Variants in CRY1 observed in about 807,000 individuals in gnomAD.
The protein encoded by CRY1 is cryptochrome circadian regulator 1, also known as cryptochrome-1.
CRY1 carries 45 observed loss-of-function variants against 76.0 expected under a neutral mutation model. The ratio of observed to expected loss-of-function variants is 0.59; its 90% confidence interval spans 0.47 to 0.76. The LOEUF (loss-of-function observed/expected upper bound fraction) is 0.76. Among genes scored for constraint, CRY1 ranks in the 30% least tolerant of loss-of-function variants. The pLI, the probability that CRY1 is intolerant of heterozygous loss-of-function variation, is 0.00. For missense variants in CRY1, 587 were observed against 716.4 expected, an observed-to-expected ratio of 0.82 and a Z score of 2.06; for synonymous variants, 248 against 244.0, an observed-to-expected ratio of 1.02 and a Z score of -0.15.
intron 1 of CRY1, among the ~76,000 whole-genome samples, chr12:107,075,624 A>C (rs1953243246): frequency 6.6e-6 from 1 of 152,202 alleles, no homozygotes; most frequent in Admixed American, 6.5e-5. Context: ...CATTCAATAC[A>C]CAAGGACATA....
chr12:107,041,147 G>A (rs374584640), intron 1 of CRY1, among the ~76,000 whole-genome samples: 6 of 152,028 alleles, frequency 3.9e-5, no homozygotes, highest in South Asian at 4.2e-4. Flanking sequence ...ATGTAGAACC[G>A]CCTATTGAGG....
intron 1 of CRY1, among the ~76,000 whole-genome samples, chr12:107,026,607 A>C (rs1285897754): frequency 6.6e-6 from 1 of 152,084 alleles, no homozygotes. Context: ...GCCTTGTATA[A>C]TTTGTTGAAA....
At chr12:107,055,261 G>C (rs1290302062) in intron 1 of CRY1, among the ~76,000 whole-genome samples, 1 of 151,850 alleles carries the variant, frequency 6.6e-6, no homozygotes, top group Non-Finnish European at 1.5e-5. Context: ...TGCATGTTTG[G>C]AATATAATAA....
intron 1 of CRY1, among the ~76,000 whole-genome samples, chr12:107,032,223 C>CA (rs1330024919): frequency 6.6e-6 from 1 of 152,148 alleles, no homozygotes; most frequent in Non-Finnish European, 1.5e-5. Context: ...CATGAGCCAC[C>CA]ACGCCCGGCC....
chr12:107,014,106 T>C (rs1952472984), intron 2 of CRY1, among the ~76,000 whole-genome samples: 1 of 151,844 alleles, frequency 6.6e-6, no homozygotes, highest in African/African-American at 2.4e-5. Flanking sequence ...GCTCATTGGA[T>C]GGAGCGTGCT....
At chr12:106,999,890 T>G (rs769639156) in intron 6 of CRY1, 28 bp from the exon 7 acceptor site, 1 of 1,590,446 alleles carries the variant, frequency 6.3e-7, no homozygotes, top group African/African-American at 1.4e-5. Flanking sequence ...AGAAGTATTA[T>G]CAGAATTTTT....
intron 1 of CRY1, among the ~76,000 whole-genome samples, chr12:107,062,028 AAAAAAAAAAAAAAAAAGAAAAAAAG>A (rs1953053929): frequency 6.8e-6 from 1 of 147,504 alleles, no homozygotes; most frequent in South Asian, 2.1e-4. Context: ...CCTGTCTCAA[AAAAAAAAAAAAAAAAAGAAAAAAAG>A]AAAAAAAAAA....
chr12:107,002,333 A>G (rs1347915206), intron 3 of CRY1, among the ~76,000 whole-genome samples: 1 of 152,202 alleles, frequency 6.6e-6, no homozygotes, highest in East Asian at 1.9e-4. Context: ...AAGAATCTCA[A>G]TCATCAATAA....
intron 10 of CRY1, among the ~76,000 whole-genome samples, chr12:106,996,739 T>C (rs1299401423): frequency 5.3e-5 from 8 of 152,110 alleles, no homozygotes; most frequent in Admixed American, 3.3e-4. Context: ...AAAACTAATA[T>C]GATGGTTCAA....
intron 1 of CRY1, among the ~76,000 whole-genome samples, chr12:107,078,158 G>C (rs896474102): frequency 6.6e-6 from 1 of 152,052 alleles, no homozygotes; most frequent in Non-Finnish European, 1.5e-5. Context: ...CATTTGTACT[G>C]CTTTCAGTTT....
At chr12:107,054,548 AGACT>A in intron 1 of CRY1, among the ~76,000 whole-genome samples, 1 of 151,758 alleles carries the variant, frequency 6.6e-6, no homozygotes, top group African/African-American at 2.4e-5. Flanking sequence ...AAATGTAAAC[AGACT>A]AACGAAAGGC....
At chr12:106,996,582 C>T (rs757036424) in intron 10 of CRY1, among the ~76,000 whole-genome samples, 4 of 152,170 alleles carry the variant, frequency 2.6e-5, no homozygotes, top group Non-Finnish European at 5.9e-5. Context: ...ATTTACAATC[C>T]CATCAACAAT....
intron 1 of CRY1, among the ~76,000 whole-genome samples, chr12:107,066,463 G>GA (rs1555201924): frequency 3.4e-5 from 5 of 146,886 alleles, no homozygotes; most frequent in Non-Finnish European, 7.6e-5. Flanking sequence ...TTTGTTTTTT[G>GA]TTTTTTTTTT....
intron 2 of CRY1, among the ~76,000 whole-genome samples, chr12:107,012,005 C>T (rs549128380): frequency 1.1e-4 from 17 of 152,110 alleles, no homozygotes; most frequent in Non-Finnish European, 2.1e-4. Flanking sequence ...GTCTGGCCAA[C>T]ATGGTGAAAC....
chr12:107,049,378 T>C (rs554217046), intron 1 of CRY1, among the ~76,000 whole-genome samples: 1 of 152,280 alleles, frequency 6.6e-6, no homozygotes, highest in Admixed American at 6.5e-5. Context: ...TTACTATCTT[T>C]TTTTTGTTTG....
Position 107,093,038 on chromosome 12 carries a change from C to T in CRY1, c.-77G>A, listed in dbSNP as rs1490236772. On this transcript the variant is annotated 5_prime_UTR_variant, in exon 1 of 13. Transcript: ENST00000008527. ...GGCTCATAGCCGACACCTTCGCTTC[C>T]AAGAGAATTGCCTCACCCGGGGCGT... 2.1e-6 allele frequency: 3 copies of T among 1,424,158 alleles called. No homozygotes were observed. Among genetic ancestry groups the T allele is most frequent in the East Asian group, 2.5e-5 (1 of 39,390 alleles). The allele number at this position is 1,424,158 out of a possible 1,614,324, so 88.2% of individuals were successfully genotyped here.
chr12:107,071,994 G>T (rs1211733568), intron 1 of CRY1, among the ~76,000 whole-genome samples: 1 of 152,118 alleles, frequency 6.6e-6, no homozygotes, highest in Non-Finnish European at 1.5e-5. Context: ...CTCAAACTAG[G>T]TCATACAAAC....
At chr12:107,034,905 C>T (rs1952716974) in intron 1 of CRY1, among the ~76,000 whole-genome samples, 2 of 152,160 alleles carry the variant, frequency 1.3e-5, no homozygotes, top group Admixed American at 1.3e-4. Flanking sequence ...ACTTATGCCT[C>T]TCTGATCTCA....
At chr12:107,010,793 GAATTGCAC>G (rs1952436561) in intron 2 of CRY1, among the ~76,000 whole-genome samples, 1 of 75,696 alleles carries the variant, frequency 1.3e-5, no homozygotes, top group Non-Finnish European at 3.7e-5. Context: ...GGGGTGCCAT[GAATTGCAC>G]CCATAAAAGA....
Sources: gnomAD v4.1 joint callset for allele counts (sites outside exome capture counted in the v4.1 genomes callset) on GRCh38, gnomAD v4.1.1 for gene constraint, MANE v1.5 for transcripts, NCBI Gene and HGNC (gene_info 2026-07-23, HGNC 2026-07-21) for gene names.